The following NOX3 variants were observed in gnomAD, a reference collection of about 807,000 sequenced individuals.
NOX3 encodes the protein NADPH oxidase catalytic subunit-like 3.
A neutral mutation model predicts 76.7 loss-of-function variants in NOX3; 74 were observed. That is an observed-to-expected ratio of 0.96 (90% CI 0.80 to 1.17). The LOEUF (loss-of-function observed/expected upper bound fraction) is 1.17, where lower values mean the gene tolerates loss of function less well. NOX3 is among the 50% of genes most tolerant of loss of function. The pLI, the probability that NOX3 is intolerant of heterozygous loss-of-function variation, is 0.00. For missense variants in NOX3, 695 were observed against 703.3 expected, an observed-to-expected ratio of 0.99 and a Z score of 0.13; for synonymous variants, 263 against 261.1, an observed-to-expected ratio of 1.01 and a Z score of -0.07.
At chr6:155,399,142 T>C (rs1779178332) in intron 12 of NOX3, among the ~76,000 whole-genome samples, 1 of 152,208 alleles carries the variant, frequency 6.6e-6, no homozygotes, top group Non-Finnish European at 1.5e-5. Flanking sequence ...AGCTTTGCTT[T>C]GTGTCTGATG....
intron 3 of NOX3, among the ~76,000 whole-genome samples, chr6:155,454,555 T>C (rs1158035398): frequency 6.6e-6 from 1 of 152,194 alleles, no homozygotes; most frequent in Non-Finnish European, 1.5e-5. Flanking sequence ...TCCATCTTCA[T>C]GGGGCAAATA....
chr6:155,432,466 T>G (rs1776847054), intron 7 of NOX3, among the ~76,000 whole-genome samples: 1 of 152,128 alleles, frequency 6.6e-6, no homozygotes, highest in Non-Finnish European at 1.5e-5. Context: ...TCACCACCCC[T>G]CCCCGATTGA....
chr6:155,410,726 C>T (rs1776532466), intron 11 of NOX3, among the ~76,000 whole-genome samples: 2 of 152,160 alleles, frequency 1.3e-5, no homozygotes, highest in African/African-American at 4.8e-5. Context: ...AGAGAACAAA[C>T]TCTGGACAAA....
chr6:155,418,618 T>A (rs915738766), intron 10 of NOX3, among the ~76,000 whole-genome samples: 66 of 126,970 alleles, frequency 5.2e-4, no homozygotes, highest in Non-Finnish European at 8.3e-4. Context: ...AAAACAAAAG[T>A]ACTTAGAAAC....
In NOX3 at chr6:155,422,762, A is replaced by G. The variant is rs1776707332; in HGVS notation, c.1240T>C (p.Phe414Leu). The stretch of plus-strand genomic sequence containing the variant: ...CATATAGATTTCAGAAGAGCAGCGA[A>G]GGGAGTGACTCCGATCCCCGCGGCA... ...CVAAGIGVTP[F>L]AALLKSIWYK... The change falls in exon 10 of 14, where the codon TTC becomes CTC. Residue 414 changes from phenylalanine (F) to leucine (L), a missense_variant. By Grantham distance (22) the Phe-to-Leu change is conservative. Coordinates refer to ENST00000159060, the MANE Select transcript of NOX3 (RefSeq NM_015718.3). 6.2e-7 allele frequency: 1 copy of G among 1,614,072 alleles called. No individual in the cohort carries two copies. Among genetic ancestry groups the G allele is most frequent in the African/African-American group, 1.3e-5 (1 of 74,938 alleles).
At chr6:155,409,978 T>C (rs1301327605) in intron 11 of NOX3, among the ~76,000 whole-genome samples, 1 of 152,118 alleles carries the variant, frequency 6.6e-6, no homozygotes, top group African/African-American at 2.4e-5. Context: ...TCAATGCACC[T>C]TAGAGTAGAA....
intron 10 of NOX3, among the ~76,000 whole-genome samples, chr6:155,414,629 T>C (rs1368889518): frequency 1.1e-4 from 15 of 139,600 alleles, no homozygotes; most frequent in East Asian, 1.0e-3. Context: ...CTTTCTTTTT[T>C]TTTTTTTTTT....
chr6:155,446,827 T>C (rs1353319886), intron 4 of NOX3, among the ~76,000 whole-genome samples: 1 of 152,028 alleles, frequency 6.6e-6, no homozygotes, highest in East Asian at 1.9e-4. Flanking sequence ...CTTACTCCTC[T>C]CCTCCTAGCT....
intron 10 of NOX3, among the ~76,000 whole-genome samples, chr6:155,414,549 C>A (rs769895385): frequency 6.6e-6 from 1 of 151,342 alleles, no homozygotes; most frequent in Non-Finnish European, 1.5e-5. Flanking sequence ...AACAAAAGTT[C>A]TGAACTTTCA....
chr6:155,410,940 T>C (rs11966765), intron 11 of NOX3, among the ~76,000 whole-genome samples: 6,827 of 152,308 alleles, frequency 0.045, 379 homozygotes, highest in East Asian at 0.15. Flanking sequence ...AATGCAAATT[T>C]GTTTGGGATT....
Position 155,396,894 on chromosome 6 carries a change from A to C in NOX3, c.1649T>G (p.Leu550Trp), listed in dbSNP as rs1193606609. The change falls in exon 13 of 14, where the codon TTG becomes TGG. Residue 550 changes from leucine (L) to tryptophan (W), a missense_variant. By Grantham distance (61) the Leu-to-Trp change is moderately conservative. Coordinates refer to ENST00000159060, the MANE Select transcript of NOX3 (RefSeq NM_015718.3). The stretch of plus-strand genomic sequence containing the variant: ...ACCTCTGGGGTCAGCTGATGAATAC[A>C]AGTGGCACATCTTTTGAAGTGTCCT... ...LSRTLQKMCH[L>W]YSSADPRGVH... is the part of the protein sequence containing the mutation. 6.2e-7 allele frequency: 1 copy of C among 1,613,414 alleles called. No homozygotes were observed. Among genetic ancestry groups the C allele is most frequent in the African/African-American group, 1.3e-5 (1 of 74,878 alleles).
chr6:155,400,249 C>T (rs1182529991), intron 12 of NOX3, among the ~76,000 whole-genome samples: 3 of 152,182 alleles, frequency 2.0e-5, no homozygotes, highest in African/African-American at 7.2e-5. Flanking sequence ...CGGGAGTGAT[C>T]CCACCACCTC....
chr6:155,443,832 T>C (rs1412123337), intron 4 of NOX3, among the ~76,000 whole-genome samples: 1 of 151,862 alleles, frequency 6.6e-6, no homozygotes, highest in Admixed American at 6.6e-5. Context: ...ATGTATATGA[T>C]ACTGTACAAA....
chr6:155,407,494 C>T (rs946233972), intron 11 of NOX3, among the ~76,000 whole-genome samples: 1 of 152,118 alleles, frequency 6.6e-6, no homozygotes, highest in African/African-American at 2.4e-5. Context: ...AGTAGATGTG[C>T]AATAACATTA....
chr6:155,416,672 C>A (rs963098586), intron 10 of NOX3, among the ~76,000 whole-genome samples: 1 of 150,764 alleles, frequency 6.6e-6, no homozygotes, highest in African/African-American at 2.4e-5. Context: ...GAGGACTGAT[C>A]TCTTTTGGGC....
intron 6 of NOX3, among the ~76,000 whole-genome samples, chr6:155,437,655 G>A (rs1308415533): frequency 2.0e-5 from 3 of 152,244 alleles, no homozygotes; most frequent in Non-Finnish European, 2.9e-5. Context: ...GTAAGTGAGA[G>A]TCAGAGGAAA....
intron 11 of NOX3, among the ~76,000 whole-genome samples, chr6:155,409,770 A>G (rs1483507207): frequency 6.6e-6 from 1 of 152,192 alleles, no homozygotes; most frequent in African/African-American, 2.4e-5. Context: ...TCAACATGTC[A>G]TGGCAAAAAT....
chr6:155,414,698 G>T (rs1776602425), intron 10 of NOX3, among the ~76,000 whole-genome samples: 1 of 143,470 alleles, frequency 7.0e-6, no homozygotes, highest in Admixed American at 7.2e-5. Context: ...TGGGATCTTG[G>T]CTCACTGCAA....
intron 10 of NOX3, among the ~76,000 whole-genome samples, chr6:155,414,299 C>T (rs948924947): frequency 4.6e-5 from 7 of 152,200 alleles, no homozygotes; most frequent in African/African-American, 1.4e-4. Context: ...GTCTGCATTT[C>T]GCCCATGAGA....
Sources: gnomAD v4.1 joint callset for allele counts (sites outside exome capture counted in the v4.1 genomes callset) on GRCh38, gnomAD v4.1.1 for gene constraint, MANE v1.5 for transcripts, NCBI Gene and HGNC (gene_info 2026-07-23, HGNC 2026-07-21) for gene names.